SAMD5: variants seen among roughly 807,000 people sequenced by gnomAD.
The protein encoded by SAMD5 is sterile alpha motif domain containing 5.
A neutral mutation model predicts 11.3 loss-of-function variants in SAMD5; 13 were observed. That is an observed-to-expected ratio of 1.15 (90% CI 0.75 to 1.83). The LOEUF is 1.83. Ranked by LOEUF, SAMD5 falls within the 40% of genes most tolerant of loss-of-function variation. The pLI is 0.00. For missense variants in SAMD5, 255 were observed against 239.1 expected, an observed-to-expected ratio of 1.07 and a Z score of -0.44; for synonymous variants, 129 against 111.3, an observed-to-expected ratio of 1.16 and a Z score of -1.00.
chr6:147,903,664 C>A, the SAMD5 span, among the ~76,000 whole-genome samples: 2 of 152,144 alleles, frequency 1.3e-5, no homozygotes, highest in Non-Finnish European at 2.9e-5. Flanking sequence ...AATCCCAGCA[C>A]TTTAGGAGGC....
chr6:147,723,465 A>G (rs1315589349), intron 1 of SAMD5, among the ~76,000 whole-genome samples: 1 of 152,176 alleles, frequency 6.6e-6, no homozygotes, highest in African/African-American at 2.4e-5. Flanking sequence ...TTCACATACA[A>G]GAAGCATCTG....
chr6:147,817,126 T>A, the SAMD5 span, among the ~76,000 whole-genome samples: 2 of 152,228 alleles, frequency 1.3e-5, no homozygotes, highest in African/African-American at 4.8e-5. Flanking sequence ...TTTTTCATCA[T>A]CATCAGACTT....
At chr6:147,788,571 AG>A in the SAMD5 span, among the ~76,000 whole-genome samples, 1 of 152,226 alleles carries the variant, frequency 6.6e-6, no homozygotes, top group African/African-American at 2.4e-5. Context: ...TGTGGATAAA[AG>A]TCTATACTTT....
the SAMD5 span, among the ~76,000 whole-genome samples, chr6:147,801,685 T>A: frequency 2.0e-4 from 30 of 152,260 alleles, no homozygotes; most frequent in African/African-American, 7.0e-4. Context: ...GGCTTCTACC[T>A]GGACTTCCCA....
At chr6:147,647,724 G>C (rs1790426319) in intron 1 of SAMD5, among the ~76,000 whole-genome samples, 1 of 152,130 alleles carries the variant, frequency 6.6e-6, no homozygotes, top group Non-Finnish European at 1.5e-5. Context: ...TGATGCCCTG[G>C]CAAGATGTCA....
chr6:147,947,723 G>A, the SAMD5 span, among the ~76,000 whole-genome samples: 1 of 152,144 alleles, frequency 6.6e-6, no homozygotes, highest in Non-Finnish European at 1.5e-5. Context: ...TTGTTCTTCG[G>A]TCTGGAAAAG....
intron 1 of SAMD5, among the ~76,000 whole-genome samples, chr6:147,545,206 A>T (rs142401468): frequency 3.9e-5 from 6 of 152,214 alleles, no homozygotes; most frequent in Non-Finnish European, 4.4e-5. Flanking sequence ...AAAGCTTAAG[A>T]CCTACATTAG....
the SAMD5 span, among the ~76,000 whole-genome samples, chr6:147,803,042 C>T: frequency 6.6e-6 from 1 of 151,826 alleles, no homozygotes; most frequent in Non-Finnish European, 1.5e-5. Context: ...AATCATATTT[C>T]AATTCAAAAA....
At chr6:147,940,115 A>G in the SAMD5 span, among the ~76,000 whole-genome samples, 2 of 152,268 alleles carry the variant, frequency 1.3e-5, no homozygotes, top group East Asian at 3.9e-4. Context: ...TCTGTGGGTA[A>G]AGTATATAGC....
chr6:147,945,669 T>C, the SAMD5 span, among the ~76,000 whole-genome samples: 1 of 151,728 alleles, frequency 6.6e-6, no homozygotes, highest in Non-Finnish European at 1.5e-5. Context: ...TGAAGGGAGG[T>C]GGTGACTGAA....
At chr6:147,900,181 G>A in the SAMD5 span, among the ~76,000 whole-genome samples, 1 of 152,156 alleles carries the variant, frequency 6.6e-6, no homozygotes, top group Non-Finnish European at 1.5e-5. Flanking sequence ...CAGCTGTAGA[G>A]CAAGTATTGT....
intron 1 of SAMD5, among the ~76,000 whole-genome samples, chr6:147,720,203 T>A (rs985946837): frequency 1.3e-5 from 2 of 152,216 alleles, no homozygotes; most frequent in African/African-American, 4.8e-5. Context: ...TCTCCACGCC[T>A]GTAATCCCAG....
At chr6:147,715,648 T>C (rs968533823) in intron 1 of SAMD5, among the ~76,000 whole-genome samples, 1 of 152,204 alleles carries the variant, frequency 6.6e-6, no homozygotes, top group African/African-American at 2.4e-5. Flanking sequence ...CCCTGCCATT[T>C]GGCAGGTCCC....
chr6:147,722,456 T>C (rs997217442), intron 1 of SAMD5, among the ~76,000 whole-genome samples: 1 of 152,200 alleles, frequency 6.6e-6, no homozygotes, highest in African/African-American at 2.4e-5. Context: ...CACAAGCAAT[T>C]TCCTCTACTG....
the SAMD5 span, among the ~76,000 whole-genome samples, chr6:147,797,750 G>A: frequency 7.0e-6 from 1 of 143,718 alleles, no homozygotes; most frequent in African/African-American, 2.7e-5. Flanking sequence ...TTCAGCTCCT[G>A]TTATTGGTCT....
chr6:147,901,277 A>T, the SAMD5 span, among the ~76,000 whole-genome samples: 1 of 152,250 alleles, frequency 6.6e-6, no homozygotes, highest in Non-Finnish European at 1.5e-5. Context: ...ATCCATACAT[A>T]TCTATGTGTT....
chr6:147,921,052 T>C, the SAMD5 span, among the ~76,000 whole-genome samples: 1 of 152,142 alleles, frequency 6.6e-6, no homozygotes, highest in African/African-American at 2.4e-5. Context: ...TTTAATTCAT[T>C]CCTTAATCAC....
At chr6:147,612,203 G>A (rs1294701553) in intron 1 of SAMD5, among the ~76,000 whole-genome samples, 2 of 152,126 alleles carry the variant, frequency 1.3e-5, no homozygotes, top group African/African-American at 2.4e-5. Flanking sequence ...GGGAGGTCAC[G>A]TGGTTTCCAT....
the SAMD5 span, among the ~76,000 whole-genome samples, chr6:147,827,422 GAA>G: frequency 6.6e-6 from 1 of 150,376 alleles, no homozygotes; most frequent in Non-Finnish European, 1.5e-5. Flanking sequence ...AGGAATGGGC[GAA>G]AAAAAAATCA....
Sources: gnomAD v4.1 joint callset for allele counts (sites outside exome capture counted in the v4.1 genomes callset) on GRCh38, gnomAD v4.1.1 for gene constraint, MANE v1.5 for transcripts, NCBI Gene and HGNC (gene_info 2026-07-23, HGNC 2026-07-21) for gene names.